OSBPL8: variants seen among roughly 807,000 people sequenced by gnomAD.
The protein encoded by OSBPL8 is oxysterol binding protein like 8.
In OSBPL8, 59 loss-of-function variants were observed where a neutral mutation model predicts 125.5. The ratio of observed to expected loss-of-function variants is 0.47; its 90% CI spans 0.38 to 0.58. The LOEUF (loss-of-function observed/expected upper bound fraction) is 0.58, where lower values mean the gene tolerates loss of function less well. Ranked by LOEUF, OSBPL8 falls within the 20% of genes least tolerant of loss-of-function variation. OSBPL8 has a pLI of 0.00. For synonymous variants in OSBPL8, 330 were observed against 338.9 expected (o/e 0.97, Z 0.29); for missense variants, 758 against 1,047.8 (o/e 0.72, Z 3.82).
intron 2 of OSBPL8, among the ~76,000 whole-genome samples, chr12:76,482,590 G>A (rs1272705520): frequency 2.0e-5 from 3 of 151,398 alleles, no homozygotes; most frequent in East Asian, 1.9e-4. Context: ...TCCAGCCTGG[G>A]CAACAAGAGC....
chr12:76,413,763 A>G (rs1166229356), intron 4 of OSBPL8, among the ~76,000 whole-genome samples: 1 of 152,024 alleles, frequency 6.6e-6, no homozygotes, highest in Non-Finnish European at 1.5e-5. Flanking sequence ...GAATGTCTTC[A>G]GACCTTTTGT....
At chr12:76,396,611 G>A (rs1467604934) in intron 8 of OSBPL8, among the ~76,000 whole-genome samples, 1 of 152,034 alleles carries the variant, frequency 6.6e-6, no homozygotes, top group Non-Finnish European at 1.5e-5. Context: ...AAAATTAGCT[G>A]AGCATGGTGA....
chr12:76,371,793 T>C (rs1402423035), intron 18 of OSBPL8: 7 of 369,820 alleles, frequency 1.9e-5, no homozygotes, highest in Non-Finnish European at 3.2e-5. Context: ...TACTAGTTAA[T>C]TAAAAAGAAT....
chr12:76,512,363 G>T (rs142534490), intron 1 of OSBPL8, among the ~76,000 whole-genome samples: 2 of 152,064 alleles, frequency 1.3e-5, no homozygotes, highest in African/African-American at 4.8e-5. Flanking sequence ...TCTTTTTTCA[G>T]TCTGTCACTG....
intron 1 of OSBPL8, among the ~76,000 whole-genome samples, chr12:76,525,789 T>TA (rs951866223): frequency 9.9e-5 from 15 of 152,020 alleles, no homozygotes; most frequent in African/African-American, 1.2e-4. Flanking sequence ...TTTACAAAAA[T>TA]AAAAAAACAA....
intron 1 of OSBPL8, among the ~76,000 whole-genome samples, chr12:76,542,085 C>T (rs111322047): frequency 4.6e-5 from 7 of 152,004 alleles, no homozygotes; most frequent in African/African-American, 1.7e-4. Context: ...GCAGGAGAAT[C>T]GCTTGAACCC....
At chr12:76,361,022 T>TA (rs752441255) in intron 21 of OSBPL8, among the ~76,000 whole-genome samples, 3 of 152,366 alleles carry the variant, frequency 2.0e-5, no homozygotes, top group Non-Finnish European at 4.4e-5. Flanking sequence ...GGCTCCTTGT[T>TA]ACTAATGCAA....
rs773728999 is a variant in OSBPL8 at position 76,390,554 on chromosome 12, C to G, written c.1033G>C (p.Glu345Gln). ...CTTTCTTCACTTTTCCCCATCACCT[C>G]ATTATCAGACTCATCATGTTCTTGA... ...NDQEHDESDN[E>Q]VMGKSEESDT... Residue 345 changes from glutamate to glutamine, a missense_variant, in exon 11 of 24, where the codon GAG becomes CAG. Glu to Gln is a conservative substitution (Grantham distance 29, BLOSUM62 2). Around this residue, in one of 3 missense-constraint regions of OSBPL8, gnomAD observed 572 missense variants for 762.0 expected, o/e 0.75. Transcript: ENST00000261183. The G allele has an allele frequency of 1.2e-5, 20 of 1,613,560 alleles. No individual in the cohort carries two copies.
intron 2 of OSBPL8, among the ~76,000 whole-genome samples, chr12:76,475,928 A>G (rs76112543): frequency 0.052 from 7,987 of 152,300 alleles, 598 homozygotes; most frequent in African/African-American, 0.16. Flanking sequence ...GCGTGTACAC[A>G]CATGCAGTAC....
intron 5 of OSBPL8, among the ~76,000 whole-genome samples, chr12:76,404,965 C>A (rs1219981081): frequency 6.6e-6 from 1 of 152,076 alleles, no homozygotes; most frequent in African/African-American, 2.4e-5. Context: ...GTAGTTGTAT[C>A]CCTCTTTTAC....
At chr12:76,373,780 A>T (rs1952709737) in intron 17 of OSBPL8, among the ~76,000 whole-genome samples, 1 of 152,166 alleles carries the variant, frequency 6.6e-6, no homozygotes, top group African/African-American at 2.4e-5. Flanking sequence ...CTTAAGCAAT[A>T]ACAACTCAAT....
chr12:76,448,863 A>G (rs1873037288), intron 4 of OSBPL8, among the ~76,000 whole-genome samples: 1 of 152,174 alleles, frequency 6.6e-6, no homozygotes, highest in Non-Finnish European at 1.5e-5. Flanking sequence ...AAACACAAAA[A>G]TTAGCTGGGC....
rs1952879677 is a variant in OSBPL8, at chr12:76,377,624, T to G, written c.1729+828A>C. ...CACTTTTCATATTGAATAATTTATA[T>G]GTTTTCATGAATCAGTTCCCAAAAT... On this transcript the variant is annotated intron_variant, in intron 16 of 23. Coordinates refer to ENST00000261183, the MANE Select transcript of OSBPL8 (RefSeq NM_020841.5). Among the ~76,000 whole-genome samples the G allele has an allele frequency of 5.9e-5, 9 of 152,330 alleles. No homozygotes were observed. The South Asian group carries it at 1.9e-3, about 32-fold the overall frequency.
chr12:76,548,309 C>A (rs1950838639), intron 1 of OSBPL8, among the ~76,000 whole-genome samples: 1 of 152,050 alleles, frequency 6.6e-6, no homozygotes, highest in South Asian at 2.1e-4. Context: ...TCATTATAAC[C>A]TTTAAGAGTG....
At chr12:76,375,515 C>T (rs984574371) in intron 16 of OSBPL8, 145 bp from the exon 17 acceptor site, 8 of 568,386 alleles carry the variant, frequency 1.4e-5, no homozygotes, top group Non-Finnish European at 2.5e-5. Flanking sequence ...ATAATATAGA[C>T]ATACAGTTGG....
intron 1 of OSBPL8, among the ~76,000 whole-genome samples, chr12:76,493,458 C>T (rs1035951262): frequency 3.9e-5 from 6 of 152,168 alleles, no homozygotes; most frequent in Non-Finnish European, 5.9e-5. Flanking sequence ...AAAGTCTTCA[C>T]GCCTCCCTAA....
intron 16 of OSBPL8, among the ~76,000 whole-genome samples, chr12:76,376,154 G>C (rs943593787): frequency 2.6e-5 from 4 of 152,196 alleles, no homozygotes; most frequent in Non-Finnish European, 5.9e-5. Context: ...GTGACTTTAT[G>C]TAACATAACT....
intron 3 of OSBPL8, among the ~76,000 whole-genome samples, chr12:76,457,517 A>C (rs1874204933): frequency 1.3e-5 from 2 of 152,058 alleles, no homozygotes; most frequent in African/African-American, 4.8e-5. Flanking sequence ...ACCTCAGAAA[A>C]ATTTTCCAAT....
intron 4 of OSBPL8, among the ~76,000 whole-genome samples, chr12:76,415,828 T>A (rs1868581255): frequency 6.6e-6 from 1 of 152,184 alleles, no homozygotes; most frequent in Non-Finnish European, 1.5e-5. Flanking sequence ...TTTTTCATAA[T>A]AAATCATACC....
Sources: gnomAD v4.1 joint callset for allele counts (sites outside exome capture counted in the v4.1 genomes callset) on GRCh38, gnomAD v4.1.1 for gene constraint, gnomAD v4.1.1 regional missense constraint, MANE v1.5 for transcripts, NCBI Gene and HGNC (gene_info 2026-07-23, HGNC 2026-07-21) for gene names.